The following NRG1 variants were observed in gnomAD, a reference collection of about 807,000 sequenced individuals.
The protein encoded by NRG1 is neuregulin 1, also known as pro-neuregulin-1, membrane-bound isoform.
In NRG1, 18 loss-of-function variants were observed where a neutral mutation model predicts 63.8. That is an observed-to-expected ratio of 0.28 (90% CI 0.19 to 0.42). The LOEUF is 0.42. NRG1 is among the 10% of genes least tolerant of loss of function. The pLI is 1.00. For synonymous variants in NRG1, 302 were observed against 301.3 expected (o/e 1.00, Z -0.02); for missense variants, 762 against 814.7 (o/e 0.94, Z 0.79).
At position 32,463,874 on chromosome 8, in the gene NRG1, C is replaced by CTTTTTTTTTTTTTTTT. The variant is rs756489856; in HGVS notation, c.38-131930_38-131915dup. Among the ~76,000 whole-genome samples the CTTTTTTTTTTTTTTTT allele has an allele frequency of 5.7e-4, 24 of 42,352 alleles. 4 individuals carry two copies. The East Asian group carries it at 7.1e-3, about 13-fold the overall frequency. The allele number at this position is 42,352 out of a possible 152,430, so 27.8% of individuals were successfully genotyped here. A position where few individuals can be genotyped will look rare whatever the true frequency, so the allele number is the denominator to read the frequency against. The stretch of plus-strand genomic sequence containing the variant: ...ACACACACGAAAAAAACTTAGAATT[C>CTTTTTTTTTTTTTTTT]TTTTTTTTTTTTTTTTTTTTTTTTT... On this transcript the variant is annotated intron_variant, in intron 1 of 10. Coordinates refer to the NRG1 transcript ENST00000519301.
intron 1 of NRG1, among the ~76,000 whole-genome samples, chr8:32,222,982 A>G (rs1845980984): frequency 6.6e-6 from 1 of 152,222 alleles, no homozygotes; most frequent in Non-Finnish European, 1.5e-5. Context: ...AAAGAGAGAC[A>G]ATGGCATTCT....
intron 1 of NRG1, among the ~76,000 whole-genome samples, chr8:32,296,532 T>C (rs1320222220): frequency 6.7e-6 from 1 of 150,152 alleles, no homozygotes; most frequent in Non-Finnish European, 1.5e-5. Context: ...GAGAATCGCT[T>C]AAACCTGGAA....
intron 1 of NRG1, among the ~76,000 whole-genome samples, chr8:31,873,270 A>C (rs951134218): frequency 7.2e-5 from 11 of 152,170 alleles, no homozygotes; most frequent in African/African-American, 2.4e-4. Flanking sequence ...AGTATTAAAA[A>C]CAAGGAGAGG....
chr8:32,378,704 G>A (rs1398785364), intron 1 of NRG1, among the ~76,000 whole-genome samples: 2 of 151,972 alleles, frequency 1.3e-5, no homozygotes, highest in Admixed American at 1.3e-4. Flanking sequence ...GTGCCATGTT[G>A]GTGTGCTTCA....
At chr8:32,760,471 G>A (rs150843459) in intron 11 of NRG1, 65 bp downstream of exon 11, 6 of 1,603,150 alleles carry the variant, frequency 3.7e-6, no homozygotes, top group Non-Finnish European at 4.3e-6. Flanking sequence ...GTGAGCACCT[G>A]CGGTCTCACC....
chr8:32,098,796 G>A lies in NRG1; in HGVS notation c.37+459365G>A, dbSNP rs543376506. ...ACATGTTAAAATTGTTGCAGAAGAT[G>A]ATGAGGTAAAAACACATAGCACTGG... On this transcript the variant is annotated intron_variant, in intron 1 of 10. Coordinates refer to the NRG1 transcript ENST00000519301. 36 of 152,270 alleles carry A rather than the reference G, an allele frequency of 2.4e-4. 1 individual carries two copies. The highest frequency in any genetic ancestry group is 7.7e-4 in the African/African-American group (32 of 41,542). The allele number at this position is 152,270 out of a possible 1,614,324, so 9.4% of individuals were successfully genotyped here. A position where few individuals can be genotyped will look rare whatever the true frequency, so the allele number is the denominator to read the frequency against.
rs1192853449 is a variant in NRG1 at position 32,100,370 on chromosome 8, C to G, written c.37+460939C>G. 2.0e-5 allele frequency among the ~76,000 whole-genome samples: 3 copies of G among 152,106 alleles called. No homozygotes were observed. In the South Asian group the frequency reaches 6.2e-4, roughly 32 times the overall value. On this transcript the variant is annotated intron_variant, in intron 1 of 10. Coordinates refer to the NRG1 transcript ENST00000519301. ...AACTCCTTTGATTTGATCATCACAA[C>G]AATGCCTGAGGCTAATAGTTATAAA...
chr8:31,763,334 A>G (rs998207549), intron 1 of NRG1, among the ~76,000 whole-genome samples: 5 of 152,198 alleles, frequency 3.3e-5, no homozygotes, highest in African/African-American at 1.2e-4. Flanking sequence ...TATTATTATG[A>G]CCTACATTTA....
upstream of NRG1, among the ~76,000 whole-genome samples, chr8:32,546,076 T>C (rs533090213): frequency 6.6e-6 from 1 of 152,314 alleles, no homozygotes; most frequent in South Asian, 2.1e-4. Flanking sequence ...AAAGCCACCA[T>C]AGTATCTGTA....
At chr8:32,566,386 C>T (rs11785360) in intron 1 of NRG1, among the ~76,000 whole-genome samples, 30,354 of 149,438 alleles carry the variant, frequency 0.2, 3,754 homozygotes, top group Admixed American at 0.33. Flanking sequence ...TTCTCTGGGG[C>T]TAAATGGGTA....
intron 10 of NRG1, among the ~76,000 whole-genome samples, chr8:32,759,894 C>T (rs1830383779): frequency 6.6e-6 from 1 of 152,122 alleles, no homozygotes; most frequent in South Asian, 2.1e-4. Flanking sequence ...GGAAATGTTT[C>T]TTTAATCTAA....
At chr8:32,334,797 C>T (rs1803055039) in intron 1 of NRG1, among the ~76,000 whole-genome samples, 1 of 152,132 alleles carries the variant, frequency 6.6e-6, no homozygotes, top group South Asian at 2.1e-4. Context: ...CTGTTCTCTA[C>T]CACAAACAAG....
chr8:32,531,849 A>G (rs1467684670), intron 1 of NRG1, among the ~76,000 whole-genome samples: 1 of 152,190 alleles, frequency 6.6e-6, no homozygotes, highest in Non-Finnish European at 1.5e-5. Context: ...CCTACCACAA[A>G]AGCCAAAGCT....
At chr8:31,854,351 G>A (rs189549532) in intron 1 of NRG1, among the ~76,000 whole-genome samples, 10 of 152,328 alleles carry the variant, frequency 6.6e-5, no homozygotes, top group African/African-American at 2.4e-4. Flanking sequence ...GAGAGTGTAT[G>A]TGTCCAGAAA....
rs1326747278 is a variant in NRG1 at position 32,195,915 on chromosome 8, G to A, written c.38-399913G>A. On this transcript the variant is annotated intron_variant, in intron 1 of 10. Coordinates refer to the NRG1 transcript ENST00000519301. ...GATCCTGGAATGACTCAGTGATATA[G>A]AAAGGCTCAGTCCCTGGCAATGTCA... 3.3e-5 allele frequency among the ~76,000 whole-genome samples: 5 copies of A among 152,208 alleles called. No individual in the cohort carries two copies. The East Asian group carries it at 9.6e-4, about 29-fold the overall frequency.
chr8:32,595,864 A>G (rs752061693), exon 2 of NRG1: 4 of 1,613,174 alleles, frequency 2.5e-6, no homozygotes, highest in Non-Finnish European at 3.4e-6. Context: ...AAAAGCCAGG[A>G]ATCGGCTGCA....
chr8:31,785,633 C>A (rs1466143351), intron 1 of NRG1, among the ~76,000 whole-genome samples: 1 of 151,980 alleles, frequency 6.6e-6, no homozygotes, highest in African/African-American at 2.4e-5. Context: ...TTTTCAAATC[C>A]CCATCACTTC....
At chr8:32,543,434 G>C (rs894953407), upstream of NRG1, among the ~76,000 whole-genome samples, 1 of 152,222 alleles carries the variant, frequency 6.6e-6, no homozygotes, top group East Asian at 1.9e-4. Flanking sequence ...TAACTGAAAA[G>C]TTGTGTGGGA....
intron 1 of NRG1, among the ~76,000 whole-genome samples, chr8:31,801,023 T>C: frequency 6.6e-6 from 1 of 151,278 alleles, no homozygotes. Flanking sequence ...TGTATTTTTT[T>C]TTTTTAGTAG....
Sources: allele counts gnomAD v4.1 joint callset (sites outside exome capture counted in the v4.1 genomes callset), GRCh38; gene constraint gnomAD v4.1.1; transcripts MANE v1.5; gene names NCBI Gene and HGNC (gene_info 2026-07-23, HGNC 2026-07-21).